SETBP1: variants seen among roughly 807,000 people sequenced by gnomAD.
The protein encoded by SETBP1 is SET binding protein 1.
In SETBP1, 9 loss-of-function variants were observed where a neutral mutation model predicts 101.0. The ratio of observed to expected loss-of-function variants is 0.09; its 90% CI spans 0.05 to 0.16. SETBP1 has a LOEUF of 0.16. Among genes scored for constraint, SETBP1 ranks in the 10% least tolerant of loss-of-function variants. The pLI, the probability that SETBP1 is intolerant of heterozygous loss-of-function variation, is 1.00. For missense variants in SETBP1, 1,858 were observed against 2,033.8 expected (o/e 0.91, Z 1.66); for synonymous variants, 818 against 788.5 (o/e 1.04, Z -0.63).
intron 2 of SETBP1, among the ~76,000 whole-genome samples, chr18:44,774,358 AGT>A (rs1389461760): frequency 3.4e-5 from 5 of 148,228 alleles, no homozygotes; most frequent in Non-Finnish European, 7.5e-5. Context: ...TATGTGTTTG[AGT>A]GTGTATGTGT....
chr18:44,714,390 T>C (rs771613608), intron 2 of SETBP1, among the ~76,000 whole-genome samples: 45 of 152,002 alleles, frequency 3.0e-4, no homozygotes, highest in Non-Finnish European at 5.4e-4. Context: ...TTAGTAGAGA[T>C]GGGGTTTTGC....
chr18:44,889,293 T>C (rs974237836), intron 3 of SETBP1, among the ~76,000 whole-genome samples: 1 of 152,152 alleles, frequency 6.6e-6, no homozygotes, highest in African/African-American at 2.4e-5. Flanking sequence ...AAGTTAGTTA[T>C]CTTTGTACTA....
chr18:44,993,800 T>A (rs2072433012), intron 4 of SETBP1, among the ~76,000 whole-genome samples: 3 of 151,970 alleles, frequency 2.0e-5, no homozygotes, highest in Admixed American at 6.5e-5. Flanking sequence ...GTTATAGGAA[T>A]AACTAAGATC....
At chr18:44,947,292 CAA>C (rs1005213676) in intron 3 of SETBP1, among the ~76,000 whole-genome samples, 38 of 151,850 alleles carry the variant, frequency 2.5e-4, no homozygotes, top group African/African-American at 9.2e-4. Context: ...TGTTAGGTAC[CAA>C]GAGTAAGATA....
intron 2 of SETBP1, among the ~76,000 whole-genome samples, chr18:44,751,818 T>G (rs2070386073): frequency 6.6e-6 from 1 of 152,176 alleles, no homozygotes; most frequent in African/African-American, 2.4e-5. Context: ...GACATAAATT[T>G]TTCACAGTTC....
chr18:44,722,694 A>G (rs1423817290), intron 2 of SETBP1, among the ~76,000 whole-genome samples: 3 of 152,160 alleles, frequency 2.0e-5, no homozygotes, highest in African/African-American at 7.2e-5. Context: ...TACGCTCATG[A>G]AGGGACTGGT....
intron 4 of SETBP1, chr18:44,989,067 T>C (rs2072299066): frequency 6.6e-6 from 1 of 152,082 alleles, no homozygotes; most frequent in African/African-American, 2.4e-5. Flanking sequence ...TGATAAAATA[T>C]GATAATGCAA....
At position 44,951,395 on chromosome 18, in the gene SETBP1, C is replaced by T. The variant is rs2071346771; in HGVS notation, c.2055C>T (p.Ser685=). 3 of 1,614,110 alleles carry T rather than the reference C, an allele frequency of 1.9e-6. No homozygotes were observed. Among genetic ancestry groups the T allele is most frequent in the South Asian group, 1.1e-5 (1 of 91,070 alleles). The change falls in exon 4 of 6, where the codon TCC becomes TCT. Residue 685 remains serine (S), a synonymous_variant. Coordinates refer to ENST00000649279, the MANE Select transcript of SETBP1 (RefSeq NM_015559.3). This position sits in a 1 kb window ranked among gnomAD's most constrained non-coding sequence, Gnocchi z 7.8. ...KNILNQILSC[S]SSVALKAKAP... is the part of the protein sequence containing the mutation. Reference sequence around the variant, plus strand: ...TCTTGAATCAGATCTTGTCCTGTTCCAGCAGCGTTGCTCTGAAGGCAAAAG... The same window carrying T: ...TCTTGAATCAGATCTTGTCCTGTTCTAGCAGCGTTGCTCTGAAGGCAAAAG...
intron 3 of SETBP1, among the ~76,000 whole-genome samples, chr18:44,879,913 C>T (rs1205295169): frequency 6.6e-6 from 1 of 151,582 alleles, no homozygotes; most frequent in African/African-American, 2.4e-5. Flanking sequence ...CTATAAGGTA[C>T]TAAAAATGAT....
At chr18:44,825,098 G>C (rs1163398604) in intron 2 of SETBP1, among the ~76,000 whole-genome samples, 1 of 152,182 alleles carries the variant, frequency 6.6e-6, no homozygotes. Flanking sequence ...CCCCACCTGG[G>C]GGCATTAAGG....
At chr18:44,818,799 G>A (rs1047573501) in intron 2 of SETBP1, among the ~76,000 whole-genome samples, 1 of 150,078 alleles carries the variant, frequency 6.7e-6, no homozygotes, top group African/African-American at 2.5e-5. Context: ...ATCATAACAC[G>A]ATTATATTTA....
At chr18:44,743,812 C>T (rs764946461) in intron 2 of SETBP1, among the ~76,000 whole-genome samples, 2 of 152,226 alleles carry the variant, frequency 1.3e-5, no homozygotes, top group Non-Finnish European at 2.9e-5. Context: ...ACCCTGCTGC[C>T]ATTGTCTGCT....
At chr18:45,008,506 C>T (rs1264667074) in intron 4 of SETBP1, among the ~76,000 whole-genome samples, 1 of 152,174 alleles carries the variant, frequency 6.6e-6, no homozygotes, top group Non-Finnish European at 1.5e-5. Context: ...CTGTTGCTCT[C>T]TCAAAAGGAA....
At chr18:44,875,323 T>G (rs191960646) in intron 3 of SETBP1, among the ~76,000 whole-genome samples, 20 of 151,918 alleles carry the variant, frequency 1.3e-4, no homozygotes, top group Admixed American at 6.6e-4. Flanking sequence ...GATCGAGACC[T>G]CCTGGCCAAC....
intron 5 of SETBP1, among the ~76,000 whole-genome samples, chr18:45,053,511 G>T (rs1055300371): frequency 6.6e-6 from 1 of 152,168 alleles, no homozygotes; most frequent in Non-Finnish European, 1.5e-5. Context: ...GATAAGCTAA[G>T]ATCAGAACCT....
chr18:44,715,004 G>A (rs1026456747), intron 2 of SETBP1, among the ~76,000 whole-genome samples: 20 of 152,262 alleles, frequency 1.3e-4, no homozygotes, highest in African/African-American at 4.8e-4. Flanking sequence ...GGGTTTAAAT[G>A]GCTTGCCTGA....
chr18:44,769,996 G>A (rs1175220939), intron 2 of SETBP1, among the ~76,000 whole-genome samples: 1 of 152,184 alleles, frequency 6.6e-6, no homozygotes, highest in South Asian at 2.1e-4. Flanking sequence ...AAAGCCCTAG[G>A]CTGTCCCTGA....
At chr18:44,705,863 G>A (rs1412873353) in intron 2 of SETBP1, among the ~76,000 whole-genome samples, 1 of 152,190 alleles carries the variant, frequency 6.6e-6, no homozygotes, top group Non-Finnish European at 1.5e-5. Flanking sequence ...CACCACTTAA[G>A]TGGTAAGTTG....
intron 2 of SETBP1, among the ~76,000 whole-genome samples, chr18:44,825,322 T>A (rs1474160675): frequency 6.6e-6 from 1 of 152,232 alleles, no homozygotes; most frequent in Non-Finnish European, 1.5e-5. Flanking sequence ...TGATGTGGGC[T>A]GTGTTTGCTG....
Sources: allele counts gnomAD v4.1 joint callset (sites outside exome capture counted in the v4.1 genomes callset), GRCh38; gene constraint gnomAD v4.1.1; non-coding constraint Gnocchi (gnomAD v3.1); transcripts MANE v1.5; gene names NCBI Gene and HGNC (gene_info 2026-07-23, HGNC 2026-07-21).